PACRG: variants seen among roughly 807,000 people sequenced by gnomAD.
The protein encoded by PACRG is parkin coregulated, also known as parkin coregulated gene protein.
Under a neutral mutation model 29.7 loss-of-function variants are expected in PACRG, and 29 were observed. The observed-to-expected ratio is 0.98, with a 90% CI of 0.73 to 1.33. The LOEUF (loss-of-function observed/expected upper bound fraction) is 1.33, where lower values mean the gene tolerates loss of function less well. Among genes scored for constraint, PACRG ranks in the 40% most tolerant of loss-of-function variants. The pLI is 0.00. For synonymous variants in PACRG, 116 were observed against 118.7 expected (o/e 0.98, Z 0.15); for missense variants, 279 against 316.2 (o/e 0.88, Z 0.89).
chr6:162,874,149 A>ATATATATATAT (rs547779237), intron 2 of PACRG, among the ~76,000 whole-genome samples: 1 of 107,916 alleles, frequency 9.3e-6, no homozygotes, highest in East Asian at 3.0e-4. Context: ...TAAAAAAAAA[A>ATATATATATAT]AAATATATAT....
intron 2 of PACRG, among the ~76,000 whole-genome samples, chr6:162,890,919 C>T (rs529575070): frequency 1.8e-4 from 27 of 152,292 alleles, no homozygotes; most frequent in African/African-American, 6.3e-4. Flanking sequence ...GCAGCTTCCA[C>T]CCAGCTGCAC....
intron 4 of PACRG, among the ~76,000 whole-genome samples, chr6:163,103,110 G>T (rs994707521): frequency 6.6e-6 from 1 of 152,188 alleles, no homozygotes; most frequent in African/African-American, 2.4e-5. Flanking sequence ...CAGTTCTGCA[G>T]ATCAGAAATC....
intron 4 of PACRG, among the ~76,000 whole-genome samples, chr6:163,266,403 C>T (rs796801179): frequency 5.9e-5 from 9 of 152,262 alleles, no homozygotes; most frequent in African/African-American, 2.2e-4. Context: ...GGCTTACTGT[C>T]CAGCAAGAGG....
At chr6:163,121,426 C>A (rs768401539) in intron 4 of PACRG, among the ~76,000 whole-genome samples, 2 of 152,112 alleles carry the variant, frequency 1.3e-5, no homozygotes, top group Middle Eastern at 3.2e-3. Context: ...TACCTCGGGG[C>A]TTCTGTGATG....
At chr6:163,287,341 G>T (rs1784437063) in intron 4 of PACRG, among the ~76,000 whole-genome samples, 1 of 152,172 alleles carries the variant, frequency 6.6e-6, no homozygotes, top group African/African-American at 2.4e-5. Context: ...TCTTACAGAA[G>T]GGAAAGGGAC....
At chr6:162,964,743 G>A (rs1435241119) in intron 2 of PACRG, among the ~76,000 whole-genome samples, 1 of 152,172 alleles carries the variant, frequency 6.6e-6, no homozygotes, top group Non-Finnish European at 1.5e-5. Context: ...CAAAGAGAAG[G>A]CAGTTTTTGA....
intron 3 of PACRG, among the ~76,000 whole-genome samples, chr6:163,070,470 A>G (rs1462240894): frequency 6.6e-6 from 1 of 152,028 alleles, no homozygotes; most frequent in African/African-American, 2.4e-5. Flanking sequence ...TGCAAACAGT[A>G]TTATCAGCTT....
At chr6:163,313,515 A>G (rs1407926666) in intron 4 of PACRG, among the ~76,000 whole-genome samples, 1 of 152,180 alleles carries the variant, frequency 6.6e-6, no homozygotes, top group Non-Finnish European at 1.5e-5. Flanking sequence ...AACCATTACT[A>G]AGTCTTTTTT....
At chr6:163,004,879 A>G (rs967068432) in intron 2 of PACRG, among the ~76,000 whole-genome samples, 1 of 152,048 alleles carries the variant, frequency 6.6e-6, no homozygotes, top group African/African-American at 2.4e-5. Flanking sequence ...ATCTGATCCT[A>G]CCATTTACTA....
chr6:162,812,933 G>A (rs891045974), intron 1 of PACRG, among the ~76,000 whole-genome samples: 1 of 151,998 alleles, frequency 6.6e-6, no homozygotes. Flanking sequence ...GGAGTAATGT[G>A]CTATGTAGTG....
intron 2 of PACRG, among the ~76,000 whole-genome samples, chr6:163,049,009 T>C (rs1382996642): frequency 6.6e-6 from 1 of 152,082 alleles, no homozygotes; most frequent in East Asian, 1.9e-4. Context: ...GAGTCAAACT[T>C]ACATGTAAAA....
intron 2 of PACRG, among the ~76,000 whole-genome samples, chr6:163,021,736 C>G (rs769360090): frequency 2.6e-5 from 4 of 152,154 alleles, no homozygotes; most frequent in African/African-American, 9.7e-5. Flanking sequence ...TTCAGCTGTC[C>G]CGAATTCTGC....
intron 4 of PACRG, among the ~76,000 whole-genome samples, chr6:163,137,567 C>T (rs144141888): frequency 6.6e-6 from 1 of 152,272 alleles, no homozygotes; most frequent in African/African-American, 2.4e-5. Context: ...TCCCCCCAAA[C>T]CTCCCCTGGC....
At chr6:163,031,921 A>G (rs1381318276) in intron 2 of PACRG, among the ~76,000 whole-genome samples, 1 of 152,220 alleles carries the variant, frequency 6.6e-6, no homozygotes, top group Non-Finnish European at 1.5e-5. Flanking sequence ...TATTGGCTCT[A>G]CAAGTCAAGT....
intron 2 of PACRG, among the ~76,000 whole-genome samples, chr6:162,922,757 T>C (rs1797158085): frequency 6.6e-6 from 1 of 152,214 alleles, no homozygotes; most frequent in Non-Finnish European, 1.5e-5. Context: ...TTATTCTTTT[T>C]TTATGGCTGA....
At chr6:162,977,657 ATAG>A (rs943163595) in intron 2 of PACRG, among the ~76,000 whole-genome samples, 1 of 152,118 alleles carries the variant, frequency 6.6e-6, no homozygotes, top group African/African-American at 2.4e-5. Context: ...AATATTTAGA[ATAG>A]TATTTCTGGG....
At position 163,299,299 on chromosome 6, in the gene PACRG, A is replaced by G. The variant is rs1191713895; in HGVS notation, c.614-15528A>G. On this transcript the variant is annotated intron_variant, in intron 4 of 4. Transcript: ENST00000366888. The stretch of plus-strand genomic sequence containing the variant: ...CACTGATCTAAGCACCAGGCAGGCC[A>G]TGTGGCCAAATGAAGAGAGCTGTAT... Among the ~76,000 whole-genome samples the G allele has an allele frequency of 3.3e-5, 5 of 152,222 alleles. No homozygotes were observed. In the East Asian group the frequency reaches 9.6e-4, roughly 29 times the overall value.
At chr6:163,147,182 A>G (rs1777835402) in intron 4 of PACRG, among the ~76,000 whole-genome samples, 1 of 152,218 alleles carries the variant, frequency 6.6e-6, no homozygotes, top group Non-Finnish European at 1.5e-5. Context: ...CTCTGCACAT[A>G]TGATCCACAC....
chr6:162,985,182 G>T (rs1191268652), intron 2 of PACRG, among the ~76,000 whole-genome samples: 2 of 151,970 alleles, frequency 1.3e-5, no homozygotes, highest in African/African-American at 4.8e-5. Context: ...AGAGAAGAGG[G>T]AATCCTCCTT....
Sources: gnomAD v4.1 joint callset for allele counts (sites outside exome capture counted in the v4.1 genomes callset) on GRCh38, gnomAD v4.1.1 for gene constraint, MANE v1.5 for transcripts, NCBI Gene and HGNC (gene_info 2026-07-23, HGNC 2026-07-21) for gene names.